TOGARAM1: variants seen among roughly 807,000 people sequenced by gnomAD.
The protein encoded by TOGARAM1 is TOG array regulator of axonemal microtubules 1, also known as TOG array regulator of axonemal microtubules protein 1.
A neutral mutation model predicts 166.6 loss-of-function variants in TOGARAM1; 100 were observed. The observed-to-expected ratio is 0.60, with a 90% CI of 0.51 to 0.71. TOGARAM1 has a LOEUF of 0.71. TOGARAM1 is among the 30% of genes least tolerant of loss of function. The pLI is 0.00. For synonymous variants in TOGARAM1, 758 were observed against 763.8 expected (o/e 0.99, Z 0.13); for missense variants, 2,029 against 2,102.7 (o/e 0.96, Z 0.69).
chr14:44,970,691 TAAAGTTGAG>T (rs1054039971), intron 1 of TOGARAM1, among the ~76,000 whole-genome samples: 6 of 152,158 alleles, frequency 3.9e-5, no homozygotes, highest in African/African-American at 1.4e-4. Context: ...GTGTTCGCTA[TAAAGTTGAG>T]AAAGTTCCCC....
chr14:44,968,416 T>G (rs1432655834), intron 1 of TOGARAM1, among the ~76,000 whole-genome samples: 1 of 152,134 alleles, frequency 6.6e-6, no homozygotes, highest in African/African-American at 2.4e-5. Context: ...CCCGCCACCA[T>G]GCCCAGTATT....
chr14:45,019,952 A>G (rs552896589), intron 7 of TOGARAM1, among the ~76,000 whole-genome samples: 1 of 152,254 alleles, frequency 6.6e-6, no homozygotes, highest in African/African-American at 2.4e-5. Flanking sequence ...AGTGTCATCA[A>G]CATCAGAGCA....
At chr14:45,043,957 C>T (rs1881852790) in intron 12 of TOGARAM1, among the ~76,000 whole-genome samples, 166 bp downstream of exon 12, 1 of 152,074 alleles carries the variant, frequency 6.6e-6, no homozygotes, top group African/African-American at 2.4e-5. Context: ...TTAAGAGAAA[C>T]TTAATAGATG....
At chr14:45,023,922 G>T (rs1365933035) in intron 7 of TOGARAM1, among the ~76,000 whole-genome samples, 1 of 152,048 alleles carries the variant, frequency 6.6e-6, no homozygotes, top group African/African-American at 2.4e-5. Flanking sequence ...TGTATTTTTG[G>T]TAGAGAAGGG....
intron 1 of TOGARAM1, among the ~76,000 whole-genome samples, chr14:44,986,530 CA>C (rs886928682): frequency 2.6e-5 from 4 of 152,222 alleles, no homozygotes; most frequent in African/African-American, 9.6e-5. Flanking sequence ...CTGCTGGCCC[CA>C]AGTGATCCTT....
chr14:45,049,112 G>C (rs528876743), intron 14 of TOGARAM1, among the ~76,000 whole-genome samples: 13 of 148,900 alleles, frequency 8.7e-5, no homozygotes, highest in Middle Eastern at 3.5e-3. Context: ...TTCCTTGCTG[G>C]CTGTCAGTGA....
intron 1 of TOGARAM1, among the ~76,000 whole-genome samples, chr14:44,989,423 T>C (rs973130852): frequency 3.3e-5 from 5 of 152,208 alleles, no homozygotes; most frequent in African/African-American, 1.2e-4. Flanking sequence ...AAATTTTGTT[T>C]CCTTTCTTCT....
At chr14:45,020,741 C>G (rs111996076) in intron 7 of TOGARAM1, among the ~76,000 whole-genome samples, 5,687 of 152,288 alleles carry the variant, frequency 0.037, 156 homozygotes, top group South Asian at 0.062. Context: ...AGTTACCCAT[C>G]TGATGCACTG....
At chr14:45,069,960 A>G (rs934516101) in intron 18 of TOGARAM1, among the ~76,000 whole-genome samples, 2 of 152,212 alleles carry the variant, frequency 1.3e-5, no homozygotes, top group African/African-American at 4.8e-5. Context: ...AGGCAGGCAG[A>G]TCACGAGGTC....
intron 15 of TOGARAM1, 92 bp from the exon 16 acceptor site, chr14:45,054,338 AT>A: frequency 1.3e-6 from 1 of 749,658 alleles, no homozygotes; most frequent in South Asian, 2.2e-5. Context: ...ATCTTAAAAA[AT>A]CAATGATGCC....
intron 7 of TOGARAM1, among the ~76,000 whole-genome samples, chr14:45,023,501 A>G (rs977343467): frequency 6.6e-6 from 1 of 152,162 alleles, no homozygotes; most frequent in Non-Finnish European, 1.5e-5. Context: ...TTAATGCTTC[A>G]GATACTAAGA....
At chr14:44,973,250 T>A (rs879373011) in intron 1 of TOGARAM1, among the ~76,000 whole-genome samples, 134 of 152,014 alleles carry the variant, frequency 8.8e-4, no homozygotes, top group Non-Finnish European at 1.6e-3. Context: ...CCTTTTTTTT[T>A]AAATTACTTT....
chr14:45,044,736 A>C lies in TOGARAM1; in HGVS notation c.4020A>C (p.Thr1340=), dbSNP rs1293610056. The C allele has an allele frequency of 1.2e-6, 2 of 1,613,984 alleles. No homozygotes were observed. The highest frequency in any genetic ancestry group is 4.5e-5 in the East Asian group (2 of 44,880). The change falls in exon 13 of 20, where the codon ACA becomes ACC. Residue 1340 remains threonine, a synonymous_variant. Transcript: ENST00000361462. The part of the protein sequence containing the change: ...KKSMDQELDT[T]VKVLLHKAGE... ...GCATGGATCAAGAGCTAGATACCACAGTAAAAGTTTTGTTGCACAAGGCTG... is the reference window on the plus strand; with the variant it reads ...GCATGGATCAAGAGCTAGATACCACCGTAAAAGTTTTGTTGCACAAGGCTG...
chr14:45,064,085 C>T (rs1420609841), intron 16 of TOGARAM1, among the ~76,000 whole-genome samples: 10 of 151,802 alleles, frequency 6.6e-5, no homozygotes, highest in Non-Finnish European at 1.0e-4. Context: ...TGACCCCCAC[C>T]CCCCGCTCTG....
chr14:45,057,626 C>T (rs1197191405), intron 16 of TOGARAM1, among the ~76,000 whole-genome samples: 1 of 151,828 alleles, frequency 6.6e-6, no homozygotes, highest in Non-Finnish European at 1.5e-5. Context: ...TTGCTGTATC[C>T]CACAGGTTTT....
chr14:44,994,398 C>A (rs556143907), intron 1 of TOGARAM1, among the ~76,000 whole-genome samples: 3 of 151,966 alleles, frequency 2.0e-5, no homozygotes, highest in Non-Finnish European at 4.4e-5. Flanking sequence ...GGATTATAGG[C>A]ATGAGCCATC....
intron 2 of TOGARAM1, among the ~76,000 whole-genome samples, chr14:44,998,376 G>A (rs1265305343): frequency 2.0e-5 from 3 of 152,240 alleles, no homozygotes; most frequent in African/African-American, 4.8e-5. Context: ...CATAGGTATT[G>A]AAGTGGTTTC....
chr14:44,996,379 G>A (rs1425825648), intron 2 of TOGARAM1: 1 of 152,264 alleles, frequency 6.6e-6, no homozygotes, highest in East Asian at 1.9e-4. Context: ...GTCAGCACAA[G>A]TAACTAAGAG....
At chr14:44,976,647 CTT>C (rs77338453) in intron 1 of TOGARAM1, among the ~76,000 whole-genome samples, 16,369 of 151,948 alleles carry the variant, frequency 0.11, 1,235 homozygotes, top group African/African-American at 0.21. Context: ...AAAAAAAACT[CTT>C]AAAATAATAC....
Sources: gnomAD v4.1 joint callset for allele counts (sites outside exome capture counted in the v4.1 genomes callset) on GRCh38, gnomAD v4.1.1 for gene constraint, MANE v1.5 for transcripts, NCBI Gene and HGNC (gene_info 2026-07-23, HGNC 2026-07-21) for gene names.